TRPM3: variants seen among roughly 807,000 people sequenced by gnomAD.
TRPM3 encodes transient receptor potential cation channel subfamily M member 3.
TRPM3 carries 77 observed loss-of-function variants against 181.2 expected under a neutral mutation model. The ratio of observed to expected loss-of-function variants is 0.42; its 90% CI spans 0.35 to 0.51. TRPM3 has a LOEUF of 0.51. Ranked by LOEUF, TRPM3 falls within the 20% of genes least tolerant of loss-of-function variation. TRPM3 has a pLI of 0.01. For missense variants in TRPM3, 1,759 were observed against 2,196.7 expected, an observed-to-expected ratio of 0.80 and a Z score of 3.98; for synonymous variants, 745 against 796.4, an observed-to-expected ratio of 0.94 and a Z score of 1.09.
chr9:70,898,303 T>C (rs2096316426), intron 1 of TRPM3, among the ~76,000 whole-genome samples: 2 of 151,290 alleles, frequency 1.3e-5, no homozygotes, highest in Non-Finnish European at 3.0e-5. Context: ...TTTGTATTTT[T>C]AGTAGAGATG....
At chr9:71,041,733 G>T (rs755281854) in intron 1 of TRPM3, among the ~76,000 whole-genome samples, 7 of 151,998 alleles carry the variant, frequency 4.6e-5, no homozygotes, top group African/African-American at 1.7e-4. Flanking sequence ...TATTTTCCCA[G>T]TTTCTTCTCC....
chr9:70,893,494 TCAGTATAA>T (rs1285960899), intron 1 of TRPM3, among the ~76,000 whole-genome samples: 2 of 152,176 alleles, frequency 1.3e-5, no homozygotes, highest in African/African-American at 4.8e-5. Context: ...AATAGAAATA[TCAGTATAA>T]CATAAATATC....
chr9:71,393,436 C>A (rs1421763549), intron 1 of TRPM3, among the ~76,000 whole-genome samples: 1 of 152,056 alleles, frequency 6.6e-6, no homozygotes, highest in East Asian at 1.9e-4. Context: ...AAGGGAAATG[C>A]TGTAAGTGCT....
chr9:70,605,997 T>G (rs2061020498), intron 19 of TRPM3, among the ~76,000 whole-genome samples: 2 of 152,238 alleles, frequency 1.3e-5, no homozygotes, highest in South Asian at 4.1e-4. Flanking sequence ...CCTACATCTG[T>G]CCTCTGAATA....
intron 9 of TRPM3, among the ~76,000 whole-genome samples, chr9:70,653,324 G>A (rs1437132309): frequency 6.6e-6 from 1 of 152,108 alleles, no homozygotes; most frequent in African/African-American, 2.4e-5. Flanking sequence ...AGAGAATAGA[G>A]GAATGTGGGC....
chr9:70,921,264 C>T (rs2133279836), intron 1 of TRPM3, among the ~76,000 whole-genome samples: 1 of 152,328 alleles, frequency 6.6e-6, no homozygotes, highest in East Asian at 1.9e-4. Context: ...TTATAACCTG[C>T]TTCTCTGTTT....
chr9:71,030,479 C>A (rs1044938082), intron 1 of TRPM3, among the ~76,000 whole-genome samples: 1 of 151,534 alleles, frequency 6.6e-6, no homozygotes, highest in Admixed American at 6.6e-5. Context: ...GCAGGAGAAT[C>A]GCTTGAACCC....
intron 1 of TRPM3, among the ~76,000 whole-genome samples, chr9:70,912,924 A>G (rs1442486555): frequency 1.3e-5 from 2 of 152,216 alleles, no homozygotes; most frequent in African/African-American, 2.4e-5. Flanking sequence ...CATTATCACT[A>G]TAATGATAAT....
intron 9 of TRPM3, among the ~76,000 whole-genome samples, chr9:70,673,490 C>T (rs1399249904): frequency 6.6e-6 from 1 of 152,180 alleles, no homozygotes; most frequent in Non-Finnish European, 1.5e-5. Flanking sequence ...CTAACTAAAA[C>T]ACTTTGCTAT....
intron 1 of TRPM3, among the ~76,000 whole-genome samples, chr9:71,165,003 C>T (rs2076467816): frequency 6.6e-6 from 1 of 152,204 alleles, no homozygotes; most frequent in Admixed American, 6.5e-5. Flanking sequence ...TGTGTTTCTT[C>T]ACATACTAAG....
intron 1 of TRPM3, among the ~76,000 whole-genome samples, chr9:71,069,495 T>C (rs1005925189): frequency 6.6e-6 from 1 of 150,388 alleles, no homozygotes; most frequent in Non-Finnish European, 1.5e-5. Flanking sequence ...GTAATTGTGT[T>C]TATATGAAAG....
chr9:71,351,652 A>G (rs936293252), intron 1 of TRPM3, among the ~76,000 whole-genome samples: 5 of 152,168 alleles, frequency 3.3e-5, no homozygotes, highest in African/African-American at 9.7e-5. Context: ...TGGACAAAAA[A>G]TGTTGTGGAA....
intron 1 of TRPM3, among the ~76,000 whole-genome samples, chr9:71,169,822 T>G (rs1051767123): frequency 6.6e-6 from 1 of 150,904 alleles, no homozygotes; most frequent in Non-Finnish European, 1.5e-5. Flanking sequence ...TTTAGAAATA[T>G]TTTTTATATT....
intron 1 of TRPM3, among the ~76,000 whole-genome samples, chr9:71,099,060 C>T (rs548768793): frequency 4.6e-4 from 70 of 152,256 alleles, no homozygotes; most frequent in African/African-American, 1.5e-3. Flanking sequence ...ATGTCTTAGT[C>T]CATCTGGGCT....
At chr9:71,023,723 A>T (rs2097864819) in intron 1 of TRPM3, among the ~76,000 whole-genome samples, 1 of 152,068 alleles carries the variant, frequency 6.6e-6, no homozygotes, top group South Asian at 2.1e-4. Flanking sequence ...AAAAAGTCAA[A>T]CTCAAAAGAT....
At chr9:70,780,690 T>G (rs960322885) in intron 7 of TRPM3, among the ~76,000 whole-genome samples, 1 of 152,200 alleles carries the variant, frequency 6.6e-6, no homozygotes, top group African/African-American at 2.4e-5. Flanking sequence ...CAGAGAAACA[T>G]TCTGCCTTCA....
chr9:70,602,983 A>T (rs984594402), intron 20 of TRPM3, among the ~76,000 whole-genome samples: 1 of 152,216 alleles, frequency 6.6e-6, no homozygotes, highest in African/African-American at 2.4e-5. Flanking sequence ...AGGTATTGGC[A>T]GACTGTGTCC....
chr9:71,162,224 G>GAA (rs1231439885), intron 1 of TRPM3, among the ~76,000 whole-genome samples: 13 of 133,778 alleles, frequency 9.7e-5, no homozygotes, highest in African/African-American at 3.5e-4. Context: ...AAAAAAAGAA[G>GAA]AAAAAGAAAA....
intron 1 of TRPM3, among the ~76,000 whole-genome samples, chr9:71,173,224 GA>G (rs1485448983): frequency 6.6e-6 from 1 of 152,058 alleles, no homozygotes; most frequent in East Asian, 1.9e-4. Flanking sequence ...AGCATAAACA[GA>G]AAATAGGAAA....
Sources: gnomAD v4.1 joint callset for allele counts (sites outside exome capture counted in the v4.1 genomes callset) on GRCh38, gnomAD v4.1.1 for gene constraint, MANE v1.5 for transcripts, NCBI Gene and HGNC (gene_info 2026-07-23, HGNC 2026-07-21) for gene names.